The following CALHM4 variants were observed in gnomAD, a reference collection of about 807,000 sequenced individuals.
CALHM4 encodes the protein calcium homeostasis modulator protein 4.
A neutral mutation model predicts 13.3 loss-of-function variants in CALHM4; 16 were observed. That is an observed-to-expected ratio of 1.20 (90% CI 0.81 to 1.82). The LOEUF is 1.82. Among genes scored for constraint, CALHM4 ranks in the 40% most tolerant of loss-of-function variants. The probability of loss-of-function intolerance (pLI) is 0.00; values close to 1 mark genes in which losing one functional copy is unlikely to be tolerated. For synonymous variants in CALHM4, 127 were observed against 137.1 expected, an observed-to-expected ratio of 0.93 and a Z score of 0.52; for missense variants, 344 against 374.9, an observed-to-expected ratio of 0.92 and a Z score of 0.68.
upstream of CALHM4, among the ~76,000 whole-genome samples, chr6:116,549,520 C>T (rs918896420): frequency 1.3e-5 from 2 of 151,942 alleles, no homozygotes; most frequent in African/African-American, 4.8e-5. Flanking sequence ...GTGTTGAGAA[C>T]ATTTCAAGAC....
rs368548166 is a variant in CALHM4 at position 116,538,982 on chromosome 6, G to A, written c.-108-4783G>A. On this transcript the variant is annotated intron_variant, in intron 1 of 2. Transcript: ENST00000368597. Reference sequence around the variant, plus strand: ...TCCATCTCCTGAGCTCAAGTGATTTGCCCACACTAAGCTAATGGGATGAAT... The same window carrying A: ...TCCATCTCCTGAGCTCAAGTGATTTACCCACACTAAGCTAATGGGATGAAT... 2.6e-5 allele frequency among the ~76,000 whole-genome samples: 4 copies of A among 152,070 alleles called. No homozygotes were observed. The East Asian group carries it at 7.7e-4, about 29-fold the overall frequency.
intron 1 of CALHM4, among the ~76,000 whole-genome samples, chr6:116,542,242 G>A (rs1388748184): frequency 3.9e-5 from 6 of 152,252 alleles, no homozygotes; most frequent in Admixed American, 3.9e-4. Context: ...TCTATAGGTA[G>A]ACAGTTGGGC....
chr6:116,557,906 A>C lies in CALHM4; in HGVS notation c.640A>C (p.Thr214Pro), dbSNP rs1165018061. The change falls in exon 2 of 2, where the codon ACC becomes CCC. Residue 214 changes from threonine to proline, a missense_variant. Transcript: ENST00000368596. ...CCVAKCCSPL[T>P]SLQHCYWTSH... ...TGTGGCAAAGTGCTGCTCTCCCCTC[A>C]CCTCTCTGCAACATTGCTACTGGAC... 1 of 1,613,664 alleles carries C rather than the reference A, an allele frequency of 6.2e-7. No individual in the cohort carries two copies.
At chr6:116,529,843 C>A (rs149048762) in intron 1 of CALHM4, among the ~76,000 whole-genome samples, 1,534 of 152,270 alleles carry the variant, frequency 0.01, 12 homozygotes, top group Non-Finnish European at 0.016. Context: ...GGCCCCCAGG[C>A]TGCATTTCTG....
Position 116,560,042 on chromosome 6 carries a change from G to T in CALHM4, c.*1831G>T, listed in dbSNP as rs1774513779. Reference sequence around the variant, plus strand: ...AAGGATGTTAAAAATACAAATAGAAGTATGTTGTGGAAGGCAACTAGGGTT... The same window carrying T: ...AAGGATGTTAAAAATACAAATAGAATTATGTTGTGGAAGGCAACTAGGGTT... On this transcript the variant is annotated 3_prime_UTR_variant, in exon 2 of 2. Transcript: ENST00000368596. 6.6e-6 allele frequency among the ~76,000 whole-genome samples: 1 copy of T among 152,126 alleles called. No homozygotes were observed. Among genetic ancestry groups the T allele is most frequent in the South Asian group, 2.1e-4 (1 of 4,830 alleles).
At chr6:116,531,392 A>G (rs1480391826) in intron 1 of CALHM4, among the ~76,000 whole-genome samples, 1 of 152,140 alleles carries the variant, frequency 6.6e-6, no homozygotes, top group Non-Finnish European at 1.5e-5. Flanking sequence ...GAAAAGAAAA[A>G]TGGAAAGATA....
chr6:116,540,067 G>A (rs775721647), intron 1 of CALHM4, among the ~76,000 whole-genome samples: 4 of 152,170 alleles, frequency 2.6e-5, no homozygotes, highest in Non-Finnish European at 5.9e-5. Flanking sequence ...CATGTTTTAA[G>A]GTTGCCCTAT....
At chr6:116,531,444 G>A (rs773879380) in intron 1 of CALHM4, among the ~76,000 whole-genome samples, 3 of 152,090 alleles carry the variant, frequency 2.0e-5, no homozygotes, top group Non-Finnish European at 4.4e-5. Context: ...GAGAAGGGTT[G>A]AGTCATGAAA....
In CALHM4 at chr6:116,558,026, T is replaced by C. The variant is rs898646822; in HGVS notation, c.760T>C (p.Phe254Leu). ...MMHRIKKLFG[F>L]IPGSEDVKHI... ...GCATCGCATAAAGAAGCTATTTGGC[T>C]TCATTCCCGGGAGTGAAGACGTCAA... The change falls in exon 2 of 2, where the codon TTC (phenylalanine) becomes CTC (leucine). Residue 254 changes from phenylalanine (F) to leucine (L), a missense_variant. Physicochemically the swap from Phe to Leu is conservative, Grantham distance 22 (BLOSUM62 0). Transcript: ENST00000368596. 1.2e-6 allele frequency: 2 copies of C among 1,614,044 alleles called. No individual in the cohort carries two copies. The highest frequency in any genetic ancestry group is 3.3e-5 in the Admixed American group (2 of 60,008).
intron 1 of CALHM4, among the ~76,000 whole-genome samples, chr6:116,531,800 C>T (rs963619387): frequency 6.6e-5 from 10 of 151,420 alleles, no homozygotes; most frequent in African/African-American, 2.4e-4. Context: ...TCTTCTGAAA[C>T]CTTCTACACT....
intron 1 of CALHM4, among the ~76,000 whole-genome samples, chr6:116,554,908 G>A (rs1449544226): frequency 6.6e-6 from 1 of 152,142 alleles, no homozygotes; most frequent in African/African-American, 2.4e-5. Context: ...TGGGAAGAAA[G>A]CCTGAACCCT....
At chr6:116,533,780 T>G (rs904046838) in intron 1 of CALHM4, among the ~76,000 whole-genome samples, 7 of 152,252 alleles carry the variant, frequency 4.6e-5, no homozygotes, top group South Asian at 2.1e-4. Flanking sequence ...TGCCTTTTGT[T>G]GGCTTGCTCC....
In CALHM4 at chr6:116,558,828, T is replaced by A. The variant is rs912044040; in HGVS notation, c.*617T>A. ...CAGTAACATGTGAGGGAGAAGCCCA[T>A]GCAGGAAGCTCTTGAGTTACTGTAC... is the stretch of plus-strand genomic sequence containing the variant. On this transcript the variant is annotated 3_prime_UTR_variant, in exon 2 of 2. Transcript: ENST00000368596. The A allele has an allele frequency of 6.6e-6, 1 of 152,260 alleles. No homozygotes were observed. The highest frequency in any genetic ancestry group is 2.4e-5 in the African/African-American group (1 of 41,448). 9.4% of individuals were successfully genotyped at this position (152,260 alleles called of 1,614,324 possible).
chr6:116,554,054 T>C lies in CALHM4; in HGVS notation c.261T>C (p.Pro87=), dbSNP rs1774198005. ...ITGEYCCSCA[P]PYRRISPLEC... is the part of the protein sequence containing the mutation. Reference sequence around the variant, plus strand: ...GTGAATACTGCTGCAGCTGTGCCCCTCCATACAGGAGAATCAGCCCCCTAG... The same window carrying C: ...GTGAATACTGCTGCAGCTGTGCCCCCCCATACAGGAGAATCAGCCCCCTAG... Residue 87 remains proline (P), a synonymous_variant, in exon 1 of 2, where the codon CCT becomes CCC. Transcript: ENST00000368596. 1 of 1,550,676 alleles carries C rather than the reference T, an allele frequency of 6.4e-7. No individual in the cohort carries two copies. The highest frequency in any genetic ancestry group is 2.4e-5 in the East Asian group (1 of 40,932).
At chr6:116,547,393 T>A (rs1360392160) in intron 2 of CALHM4, among the ~76,000 whole-genome samples, 1 of 152,160 alleles carries the variant, frequency 6.6e-6, no homozygotes, top group Non-Finnish European at 1.5e-5. Flanking sequence ...TGTCATTGGA[T>A]GTATTAGAAA....
chr6:116,557,203 C>T (rs1774361915), intron 1 of CALHM4, among the ~76,000 whole-genome samples: 1 of 152,124 alleles, frequency 6.6e-6, no homozygotes, highest in Non-Finnish European at 1.5e-5. Flanking sequence ...TCCCAAAGTA[C>T]TGAGATTACA....
intron 1 of CALHM4, among the ~76,000 whole-genome samples, chr6:116,534,014 A>G (rs57052661): frequency 0.014 from 2,121 of 152,168 alleles, 47 homozygotes; most frequent in African/African-American, 0.049. Context: ...ACCTTCCCCA[A>G]CAAGATTTGA....
intron 2 of CALHM4, among the ~76,000 whole-genome samples, chr6:116,544,983 A>G (rs1773685642): frequency 6.6e-6 from 1 of 152,016 alleles, no homozygotes; most frequent in Non-Finnish European, 1.5e-5. Flanking sequence ...AACCTGGAAT[A>G]TATAGAAAGG....
exon 1 of CALHM4, chr6:116,529,053 G>A (rs1222268282): frequency 2.6e-5 from 4 of 152,414 alleles, no homozygotes; most frequent in African/African-American, 9.6e-5. Flanking sequence ...ACTGTGCTGA[G>A]AACTGCTCTC....
Sources: gnomAD v4.1 joint callset for allele counts (sites outside exome capture counted in the v4.1 genomes callset) on GRCh38, gnomAD v4.1.1 for gene constraint, MANE v1.5 for transcripts, NCBI Gene and HGNC (gene_info 2026-07-23, HGNC 2026-07-21) for gene names.